Variants in LCOR observed in about 807,000 individuals in gnomAD.
LCOR encodes the protein ligand dependent nuclear receptor corepressor, also known as ligand-dependent corepressor.
Under a neutral mutation model 64.4 loss-of-function variants are expected in LCOR, and 14 were observed. The observed-to-expected ratio is 0.22, with a 90% confidence interval of 0.14 to 0.34. LCOR has a LOEUF of 0.34. Among genes scored for constraint, LCOR ranks in the 10% least tolerant of loss-of-function variants. LCOR has a pLI of 1.00. For missense variants in LCOR, 1,686 were observed against 1,765.3 expected (o/e 0.96, Z 0.80); for synonymous variants, 643 against 642.5 (o/e 1.00, Z -0.01).
intron 2 of LCOR, among the ~76,000 whole-genome samples, chr10:96,851,144 G>A (rs1216626938): frequency 6.6e-6 from 1 of 152,214 alleles, no homozygotes; most frequent in African/African-American, 2.4e-5. Flanking sequence ...GGTTTCACAA[G>A]CATTCTGTAC....
intron 2 of LCOR, among the ~76,000 whole-genome samples, chr10:96,868,333 G>A (rs1846012956): frequency 6.8e-6 from 1 of 146,636 alleles, no homozygotes; most frequent in South Asian, 2.2e-4. Flanking sequence ...GGAGTGCAGT[G>A]GCATGATCTC....
At chr10:96,956,106 G>T (rs1847768624) in intron 7 of LCOR, 2 of 1,418,574 alleles carry the variant, frequency 1.4e-6, no homozygotes, top group East Asian at 5.1e-5. Flanking sequence ...AATTTTTCAT[G>T]TGCAGTATGG....
At chr10:96,839,790 A>AT (rs925546118) in intron 2 of LCOR, among the ~76,000 whole-genome samples, 3 of 152,002 alleles carry the variant, frequency 2.0e-5, no homozygotes, top group Non-Finnish European at 4.4e-5. Flanking sequence ...GGTTCAAGTA[A>AT]TTCTCCTGCC....
In LCOR at chr10:96,984,135, A is replaced by G. The variant is rs767598808; in HGVS notation, c.3675A>G (p.Leu1225=). 2 of 1,614,164 alleles carry G rather than the reference A, an allele frequency of 1.2e-6. No individual in the cohort carries two copies. Among genetic ancestry groups the G allele is most frequent in the Non-Finnish European group, 1.7e-6 (2 of 1,180,014 alleles). The change falls in exon 8 of 8, where the codon CTA becomes CTG. Residue 1225 remains leucine, a synonymous_variant. Transcript: ENST00000421806. ...TTCAGAAATACGCTCCTTCCAGCCT[A>G]TATCCCAGTTCACTACAGGCTGAGC... The part of the protein sequence containing the change: ...HPLQKYAPSS[L]YPSSLQAERL...
At chr10:96,865,874 CAAAAAAA>C (rs57814101) in intron 2 of LCOR, among the ~76,000 whole-genome samples, 15 of 88,976 alleles carry the variant, frequency 1.7e-4, no homozygotes, top group Admixed American at 7.5e-4. Flanking sequence ...GACTCTGTCT[CAAAAAAA>C]AAAAAAAAAA....
At chr10:96,872,443 G>A (rs1846087636) in intron 2 of LCOR, among the ~76,000 whole-genome samples, 2 of 152,122 alleles carry the variant, frequency 1.3e-5, no homozygotes, top group African/African-American at 2.4e-5. Flanking sequence ...CTGTAGTCCT[G>A]GCGCTTTGGG....
intron 2 of LCOR, among the ~76,000 whole-genome samples, chr10:96,887,615 T>G (rs537746312): frequency 6.6e-6 from 1 of 151,480 alleles, no homozygotes; most frequent in Non-Finnish European, 1.5e-5. Flanking sequence ...CTTAATATTC[T>G]ATGCAATGCA....
chr10:96,843,533 C>G (rs1240961840), intron 2 of LCOR, among the ~76,000 whole-genome samples: 3 of 152,074 alleles, frequency 2.0e-5, no homozygotes, highest in African/African-American at 7.2e-5. Context: ...CAGTATTTAT[C>G]AAAGCTAGAA....
chr10:96,988,977 T>A lies in LCOR; in HGVS notation c.*3843T>A, dbSNP rs1444955218. 2 of 152,234 alleles carry A rather than the reference T, an allele frequency of 1.3e-5. No homozygotes were observed. Among genetic ancestry groups the A allele is most frequent in the African/African-American group, 4.8e-5 (2 of 41,452 alleles). The allele number at this position is 152,234 out of a possible 1,614,324, so 9.4% of individuals were successfully genotyped here. ...ATACTATCTGGACCTTCAGAAAACA[T>A]CTGCTGATCCCTGCTTGAGAAAGTC... On this transcript the variant is annotated 3_prime_UTR_variant, in exon 8 of 8. Coordinates refer to ENST00000421806, the MANE Select transcript of LCOR (RefSeq NM_001346516.2).
intron 2 of LCOR, among the ~76,000 whole-genome samples, chr10:96,833,803 T>A (rs1845391987): frequency 6.6e-6 from 1 of 152,218 alleles, no homozygotes; most frequent in African/African-American, 2.4e-5. Flanking sequence ...ATTATGCAAA[T>A]CCTGCTTTCT....
intron 2 of LCOR, among the ~76,000 whole-genome samples, chr10:96,901,953 A>G (rs1222822882): frequency 1.3e-5 from 2 of 152,042 alleles, no homozygotes; most frequent in Non-Finnish European, 2.9e-5. Context: ...GTACTTTTTT[A>G]TAGAGACGGA....
chr10:96,950,309 G>A (rs576149916), intron 6 of LCOR, among the ~76,000 whole-genome samples: 55 of 152,230 alleles, frequency 3.6e-4, no homozygotes, highest in Middle Eastern at 6.8e-3. Context: ...GTGGTGAACA[G>A]CAAACAAAAC....
chr10:96,927,115 ATTTTG>A (rs1847182011), intron 4 of LCOR, among the ~76,000 whole-genome samples: 1 of 152,142 alleles, frequency 6.6e-6, no homozygotes, highest in Non-Finnish European at 1.5e-5. Flanking sequence ...TGACTGAACC[ATTTTG>A]TGTTTCCATC....
chr10:96,978,464 G>A lies in LCOR; in HGVS notation c.333-2329G>A, dbSNP rs1340582162. Among the ~76,000 whole-genome samples the A allele has an allele frequency of 2.6e-5, 4 of 152,182 alleles. No individual in the cohort carries two copies. The East Asian group carries it at 5.8e-4, about 22-fold the overall frequency. On this transcript the variant is annotated intron_variant, in intron 7 of 7. Coordinates refer to ENST00000421806, the MANE Select transcript of LCOR (RefSeq NM_001346516.2). The stretch of plus-strand genomic sequence containing the variant: ...TCCTTTGGTACATTTTGTCCCCATC[G>A]CCAGTATGTACTTCAGAGTTCACCG...
Position 96,991,022 on chromosome 10 carries a change from TAAAAAAAAAA to T in LCOR, c.*5902_*5911del, listed in dbSNP as rs769810945. 4 of 77,262 alleles carry T rather than the reference TAAAAAAAAAA, an allele frequency of 5.2e-5. No homozygotes were observed. The highest frequency in any genetic ancestry group is 9.3e-5 in the African/African-American group (2 of 21,416). The allele number at this position is 77,262 out of a possible 1,614,324, so 4.8% of individuals were successfully genotyped here. On this transcript the variant is annotated 3_prime_UTR_variant, in exon 8 of 8. Coordinates refer to ENST00000421806, the MANE Select transcript of LCOR (RefSeq NM_001346516.2). ...TTTTACCCTTTTTTAAAGGGTTATG[TAAAAAAAAAA>T]AAAAAAAAAAAAAGCAACTATATGT...
intron 4 of LCOR, among the ~76,000 whole-genome samples, chr10:96,924,078 C>T (rs1847126102): frequency 1.3e-5 from 2 of 152,310 alleles, no homozygotes; most frequent in Non-Finnish European, 2.9e-5. Context: ...ATCCTCAAAT[C>T]AGGTACCAGT....
Position 96,990,815 on chromosome 10 carries a change from A to G in LCOR, c.*5681A>G, listed in dbSNP as rs1848193333. 6.6e-6 allele frequency: 1 copy of G among 152,122 alleles called. No individual in the cohort carries two copies. The highest frequency in any genetic ancestry group is 2.1e-4 in the South Asian group (1 of 4,830). 9.4% of individuals were successfully genotyped at this position (152,122 alleles called of 1,614,324 possible). A position where few individuals can be genotyped will look rare whatever the true frequency, so the allele number is the denominator to read the frequency against. Reference sequence around the variant, plus strand: ...GGAGATGTCCTTTGCTCCATCCTTCAGAGGGGCAGTTGTGTAGTTATGCTG... The same window carrying G: ...GGAGATGTCCTTTGCTCCATCCTTCGGAGGGGCAGTTGTGTAGTTATGCTG... On this transcript the variant is annotated 3_prime_UTR_variant, in exon 8 of 8. Coordinates refer to ENST00000421806, the MANE Select transcript of LCOR (RefSeq NM_001346516.2).
At chr10:96,874,859 A>G (rs1011023551) in intron 2 of LCOR, among the ~76,000 whole-genome samples, 1 of 151,842 alleles carries the variant, frequency 6.6e-6, no homozygotes, top group African/African-American at 2.4e-5. Context: ...GATGCTCTCA[A>G]TCTCCTGACC....
chr10:96,847,639 C>T (rs1845655392), intron 2 of LCOR, among the ~76,000 whole-genome samples: 2 of 152,242 alleles, frequency 1.3e-5, no homozygotes, highest in Admixed American at 6.5e-5. Context: ...CAGGGTTTCT[C>T]CATGTTGGTC....
Sources: gnomAD v4.1 joint callset for allele counts (sites outside exome capture counted in the v4.1 genomes callset) on GRCh38, gnomAD v4.1.1 for gene constraint, MANE v1.5 for transcripts, NCBI Gene and HGNC (gene_info 2026-07-23, HGNC 2026-07-21) for gene names.